The following UGT1A8 variants were observed in gnomAD, a reference collection of about 807,000 sequenced individuals.
UGT1A8 encodes the protein UDP glucuronosyltransferase family 1 member A8.
In UGT1A8, 39 loss-of-function variants were observed where a neutral mutation model predicts 45.3. That is an observed-to-expected ratio of 0.86 (90% CI 0.67 to 1.12). The LOEUF (loss-of-function observed/expected upper bound fraction) is 1.12, where lower values mean the gene tolerates loss of function less well. Among genes scored for constraint, UGT1A8 ranks in the 50% most tolerant of loss-of-function variants. The probability of loss-of-function intolerance (pLI) is 0.00; values close to 1 mark genes in which losing one functional copy is unlikely to be tolerated. For synonymous variants in UGT1A8, 275 were observed against 249.2 expected, an observed-to-expected ratio of 1.10 and a Z score of -0.97; for missense variants, 719 against 664.9, an observed-to-expected ratio of 1.08 and a Z score of -0.90.
chr2:233,771,986 A>T (rs897905900), intron 4 of UGT1A8, among the ~76,000 whole-genome samples: 3 of 152,212 alleles, frequency 2.0e-5, no homozygotes, highest in African/African-American at 7.2e-5. Context: ...ATAGTGGTGC[A>T]TGACTAATTC....
At chr2:233,690,490 TC>T in intron 1 of UGT1A8, 2 of 1,289,746 alleles carry the variant, frequency 1.6e-6, no homozygotes, top group Non-Finnish European at 2.0e-6. Context: ...GGAAATCTGC[TC>T]TTGCCAACAG....
chr2:233,760,572 C>T (rs1697490823), intron 1 of UGT1A8: 12 of 1,614,062 alleles, frequency 7.4e-6, no homozygotes, highest in East Asian at 2.2e-5. Context: ...TTGTTAGTCT[C>T]GGGCATAATG....
At chr2:233,768,015 A>T in intron 3 of UGT1A8, 79 bp downstream of exon 3, 4 of 1,613,904 alleles carry the variant, frequency 2.5e-6, no homozygotes, top group Non-Finnish European at 3.4e-6. Context: ...ATTCTAAAGG[A>T]TTGTTGAGCT....
At chr2:233,735,891 A>C (rs2078706865) in intron 1 of UGT1A8, among the ~76,000 whole-genome samples, 2 of 151,822 alleles carry the variant, frequency 1.3e-5, no homozygotes, top group East Asian at 3.9e-4. Flanking sequence ...TGTTAGTCTG[A>C]TGGGCTTCCC....
chr2:233,656,442 G>A lies in UGT1A8; in HGVS notation c.855+37880G>A, dbSNP rs796098216. Among the ~76,000 whole-genome samples, 60 of 152,306 alleles carry A rather than the reference G, an allele frequency of 3.9e-4. 1 individual carries two copies. Among genetic ancestry groups the A allele is most frequent in the East Asian group, 3.9e-4 (2 of 5,192 alleles). On this transcript the variant is annotated intron_variant, in intron 1 of 4. Transcript: ENST00000373450. ...AATGGACGTCAGTTAGTCAGTGTCC[G>A]GTGGAGGTGCACTTGTTTAACATTG...
chr2:233,713,502 T>C lies in UGT1A8; in HGVS notation c.856-53532T>C. The C allele has an allele frequency of 6.2e-7, 1 of 1,613,988 alleles. No homozygotes were observed. The highest frequency in any genetic ancestry group is 8.5e-7 in the Non-Finnish European group (1 of 1,179,898). On this transcript the variant is annotated intron_variant, in intron 1 of 4. Coordinates refer to ENST00000373450, the MANE Select transcript of UGT1A8 (RefSeq NM_019076.5). ...TAAGTACCTGTCGATTCCTGCTGTG[T>C]TTTTCTTGAGGAACATTCCATGTGA...
chr2:233,760,934 C>A (rs907848517), intron 1 of UGT1A8: 10 of 1,614,178 alleles, frequency 6.2e-6, no homozygotes, highest in Non-Finnish European at 8.5e-6. Flanking sequence ...ATGCTCATTG[C>A]CTTTTCACAG....
chr2:233,640,641 T>C (rs2073426510), intron 1 of UGT1A8, among the ~76,000 whole-genome samples: 1 of 152,136 alleles, frequency 6.6e-6, no homozygotes, highest in South Asian at 2.1e-4. Flanking sequence ...GAGAGAACAG[T>C]CTCTTTTTTA....
rs192858445 is a variant in UGT1A8, at chr2:233,631,665, G to A, written c.855+13103G>A. Among the ~76,000 whole-genome samples the A allele has an allele frequency of 7.7e-3, 1,167 of 152,064 alleles. 11 individuals are homozygous for A. Among genetic ancestry groups the A allele is most frequent in the Admixed American group, 8.0e-3 (123 of 15,288 alleles). ...TGTGAAGTGTCTGTTCATATCCTTCGACCGCTTTTTGATGGGGTTTTTTTT... is the reference window on the plus strand; with the variant it reads ...TGTGAAGTGTCTGTTCATATCCTTCAACCGCTTTTTGATGGGGTTTTTTTT... On this transcript the variant is annotated intron_variant, in intron 1 of 4. Transcript: ENST00000373450.
At position 233,754,728 on chromosome 2, in the gene UGT1A8, C is replaced by CT. The variant is rs1413290062; in HGVS notation, c.856-12305dup. ...GGACTTGAAGCTGCCTGTCCCATCACTACCGTAGGACATGCAGAAGGAAGA... is the reference window on the plus strand; with the variant it reads ...GGACTTGAAGCTGCCTGTCCCATCACTTACCGTAGGACATGCAGAAGGAAGA... On this transcript the variant is annotated intron_variant, in intron 1 of 4. Transcript: ENST00000373450. 1.8e-5 allele frequency: 11 copies of CT among 620,812 alleles called. No individual in the cohort carries two copies. In the African/African-American group the frequency reaches 2.1e-4, roughly 12 times the overall value. 38.5% of individuals were successfully genotyped at this position (620,812 alleles called of 1,614,324 possible). A position where few individuals can be genotyped will look rare whatever the true frequency, so the allele number is the denominator to read the frequency against.
intron 1 of UGT1A8, among the ~76,000 whole-genome samples, chr2:233,666,022 T>C (rs1001442880): frequency 7.2e-5 from 11 of 152,174 alleles, no homozygotes; most frequent in African/African-American, 1.2e-4. Context: ...TTTATTTGGC[T>C]GGTGGTTCAT....
At chr2:233,724,343 C>G (rs2077229660) in intron 1 of UGT1A8, among the ~76,000 whole-genome samples, 1 of 142,886 alleles carries the variant, frequency 7.0e-6, no homozygotes, top group Non-Finnish European at 1.5e-5. Context: ...GGGGCTGACC[C>G]CCCCCACCTC....
rs1126805 is a variant in UGT1A8 at position 233,618,418 on chromosome 2, A to G, written c.711A>G (p.Thr237=). ...AAATAGCCTCTGAAATTCTCCAAAC[A>G]CCTGTCACAGCATATGATCTCTACA... ...ALEIASEILQ[T]PVTAYDLYSH... Residue 237 remains threonine, a synonymous_variant, in exon 1 of 5, where the codon ACA becomes ACG. Coordinates refer to ENST00000373450, the MANE Select transcript of UGT1A8 (RefSeq NM_019076.5). 4 of 1,613,804 alleles carry G rather than the reference A, an allele frequency of 2.5e-6. No homozygotes were observed. The highest frequency in any genetic ancestry group is 1.3e-5 in the African/African-American group (1 of 74,910).
At chr2:233,645,135 G>A (rs951984234) in intron 1 of UGT1A8, among the ~76,000 whole-genome samples, 1 of 152,076 alleles carries the variant, frequency 6.6e-6, no homozygotes, top group South Asian at 2.1e-4. Flanking sequence ...CTGCCTTCAG[G>A]GACAAAGCAT....
At position 233,693,441 on chromosome 2, in the gene UGT1A8, C is replaced by T. The variant is rs370800258; in HGVS notation, c.856-73593C>T. The T allele has an allele frequency of 1.7e-5, 27 of 1,614,026 alleles. No homozygotes were observed. In the African/African-American group the frequency reaches 3.2e-4, roughly 19 times the overall value. On this transcript the variant is annotated intron_variant, in intron 1 of 4. Coordinates refer to ENST00000373450, the MANE Select transcript of UGT1A8 (RefSeq NM_019076.5). ...TTCTTTAAGGAGAGCAAGTTTGATG[C>T]TCTTTTCACAGACCCAGCCTTACCC...
intron 1 of UGT1A8, chr2:233,693,173 G>A (rs1245867453): frequency 1.2e-6 from 2 of 1,614,068 alleles, no homozygotes; most frequent in Non-Finnish European, 1.7e-6. Flanking sequence ...TCATGAGATT[G>A]TAGTGGTGGT....
intron 1 of UGT1A8, among the ~76,000 whole-genome samples, chr2:233,659,263 G>A (rs890335912): frequency 3.3e-5 from 5 of 152,038 alleles, no homozygotes; most frequent in South Asian, 4.1e-4. Context: ...TACCAACCTC[G>A]CAGGTAGTCT....
intron 1 of UGT1A8, chr2:233,719,474 G>C: frequency 6.2e-7 from 1 of 1,613,940 alleles, no homozygotes. Context: ...TCTACCCTCT[G>C]GCCCTGTCCT....
intron 1 of UGT1A8, among the ~76,000 whole-genome samples, chr2:233,711,620 C>T (rs893432462): frequency 6.6e-6 from 1 of 152,178 alleles, no homozygotes; most frequent in African/African-American, 2.4e-5. Context: ...GTGGACAGCT[C>T]CATTCGCTGC....
Sources: gnomAD v4.1 joint callset for allele counts (sites outside exome capture counted in the v4.1 genomes callset) on GRCh38, gnomAD v4.1.1 for gene constraint, MANE v1.5 for transcripts, NCBI Gene and HGNC (gene_info 2026-07-23, HGNC 2026-07-21) for gene names.